RNF111: variants seen among roughly 807,000 people sequenced by gnomAD.
RNF111 encodes the protein ring finger protein 111.
RNF111 carries 17 observed loss-of-function variants against 95.1 expected under a neutral mutation model. The ratio of observed to expected loss-of-function variants is 0.18; its 90% CI spans 0.12 to 0.27. The LOEUF is 0.27. Among genes scored for constraint, RNF111 ranks in the 10% least tolerant of loss-of-function variants. The probability of loss-of-function intolerance (pLI) is 1.00; values close to 1 mark genes in which losing one functional copy is unlikely to be tolerated. For missense variants in RNF111, 1,189 were observed against 1,210.4 expected, an observed-to-expected ratio of 0.98 and a Z score of 0.26; for synonymous variants, 440 against 414.8, an observed-to-expected ratio of 1.06 and a Z score of -0.74.
chr15:59,025,710 C>T (rs950738277), intron 1 of RNF111, among the ~76,000 whole-genome samples: 8 of 151,556 alleles, frequency 5.3e-5, no homozygotes, highest in Non-Finnish European at 1.2e-4. Context: ...AGAAAAATGC[C>T]AAGTCATCTA....
At chr15:59,059,259 A>G (rs1484727799) in intron 5 of RNF111, among the ~76,000 whole-genome samples, 1 of 152,376 alleles carries the variant, frequency 6.6e-6, no homozygotes, top group South Asian at 2.1e-4. Flanking sequence ...CAAGATGCTC[A>G]ACATCACTAA....
rs147436747 is a variant in RNF111, at chr15:59,076,090, C to T, written c.1823C>T (p.Ala608Val). The T allele has an allele frequency of 3.8e-5, 62 of 1,614,116 alleles. No homozygotes were observed. In the East Asian group the frequency reaches 6.2e-4, roughly 16 times the overall value. The change falls in exon 7 of 14, where the codon GCT (alanine) becomes GTT (valine). Residue 608 changes from alanine (A) to valine (V), a missense_variant. By Grantham distance (64) the Ala-to-Val change is moderately conservative. Around this residue, in one of 2 missense-constraint regions of RNF111, gnomAD observed 1,024 missense variants for 925.9 expected, o/e 1.11. Transcript: ENST00000348370. ...RAAIFGHQAAAAAPSQPLSSI... is the reference protein window; with the variant it reads ...RAAIFGHQAAVAAPSQPLSSI... ...GCAATCTTTGGCCATCAGGCCGCTGCTGCTGCCCCAAGTCAACCTTTATCA... is the reference window on the plus strand; with the variant it reads ...GCAATCTTTGGCCATCAGGCCGCTGTTGCTGCCCCAAGTCAACCTTTATCA...
At chr15:59,007,463 C>T (rs1164410549) in intron 1 of RNF111, among the ~76,000 whole-genome samples, 1 of 152,152 alleles carries the variant, frequency 6.6e-6, no homozygotes, top group Non-Finnish European at 1.5e-5. Flanking sequence ...CATAATTTAT[C>T]CATTCACTTG....
intron 2 of RNF111, among the ~76,000 whole-genome samples, chr15:59,033,404 T>C (rs2041014229): frequency 6.6e-6 from 1 of 152,336 alleles, no homozygotes; most frequent in Non-Finnish European, 1.5e-5. Flanking sequence ...ACAAATACTT[T>C]TTTGAGAAGA....
At chr15:59,008,198 C>T (rs895829368) in intron 1 of RNF111, among the ~76,000 whole-genome samples, 30 of 152,102 alleles carry the variant, frequency 2.0e-4, no homozygotes, top group Non-Finnish European at 2.9e-4. Flanking sequence ...TCTGGCTCTC[C>T]AGTTGTTTCA....
chr15:59,067,996 A>G (rs2042740224), intron 6 of RNF111, among the ~76,000 whole-genome samples: 1 of 152,254 alleles, frequency 6.6e-6, no homozygotes, highest in Non-Finnish European at 1.5e-5. Context: ...GTCAACTAGT[A>G]TTAAATTAGT....
intron 5 of RNF111, among the ~76,000 whole-genome samples, chr15:59,061,986 C>T (rs977234933): frequency 2.9e-4 from 44 of 152,056 alleles, no homozygotes; most frequent in African/African-American, 1.1e-3. Flanking sequence ...GTGTTGTCAC[C>T]TATCACTAGT....
At chr15:59,066,267 AT>A (rs1434988109) in intron 5 of RNF111, among the ~76,000 whole-genome samples, 1 of 152,204 alleles carries the variant, frequency 6.6e-6, no homozygotes, top group East Asian at 1.9e-4. Context: ...TTTCAGGAAA[AT>A]CCCAGTGAAG....
chr15:59,026,880 G>T (rs534759601), intron 1 of RNF111, among the ~76,000 whole-genome samples: 3 of 152,212 alleles, frequency 2.0e-5, no homozygotes, highest in African/African-American at 7.2e-5. Context: ...GTTAACTGGT[G>T]TACAAACACA....
intron 2 of RNF111, among the ~76,000 whole-genome samples, chr15:59,033,597 C>G (rs1469894385): frequency 2.6e-5 from 4 of 152,128 alleles, no homozygotes; most frequent in Non-Finnish European, 5.9e-5. Context: ...TGCTCGAAGT[C>G]AGTGAGACAG....
intron 2 of RNF111, among the ~76,000 whole-genome samples, 161 bp downstream of exon 2, chr15:59,031,863 C>T (rs1270107532): frequency 6.6e-6 from 1 of 152,116 alleles, no homozygotes; most frequent in Non-Finnish European, 1.5e-5. Context: ...TAAACCATGA[C>T]TCTAATGCTA....
At chr15:59,058,021 A>G (rs1324159689) in intron 4 of RNF111, among the ~76,000 whole-genome samples, 2 of 152,262 alleles carry the variant, frequency 1.3e-5, no homozygotes, top group African/African-American at 4.8e-5. Flanking sequence ...GTGTACGTGC[A>G]TAGTAAGGAA....
chr15:59,090,142 C>T (rs2079008866), intron 11 of RNF111, among the ~76,000 whole-genome samples: 2 of 152,220 alleles, frequency 1.3e-5, no homozygotes, highest in Non-Finnish European at 2.9e-5. Flanking sequence ...AGCTAAATGT[C>T]TTGTTTGAAT....
chr15:58,997,557 G>A (rs1322846293), intron 1 of RNF111, among the ~76,000 whole-genome samples: 3 of 151,502 alleles, frequency 2.0e-5, no homozygotes, highest in Admixed American at 6.6e-5. Flanking sequence ...GGTGTCTCAC[G>A]CCTGTAATCC....
At chr15:59,053,878 T>TC (rs372377778) in intron 3 of RNF111, among the ~76,000 whole-genome samples, 66,904 of 151,692 alleles carry the variant, frequency 0.44, 16,090 homozygotes, top group African/African-American at 0.64. Context: ...CTTATTGTTA[T>TC]TAAGAGATAT....
Position 59,076,468 on chromosome 15 carries a change from A to AGAG in RNF111, c.1948+254_1948+255insAGG, listed in dbSNP as rs147137462. On this transcript the variant is annotated intron_variant, in intron 7 of 13. Coordinates refer to ENST00000348370, the MANE Select transcript of RNF111 (RefSeq NM_017610.8). ...TGAGTAGTATTTCTAGGCACAGTAA[A>AGAG]GTAAATTTTTAAGAATTCTCAAGCA... Among the ~76,000 whole-genome samples the AGAG allele has an allele frequency of 3.2e-3, 493 of 152,330 alleles. 3 individuals carry two copies. Among genetic ancestry groups the AGAG allele is most frequent in the Admixed American group, 5.4e-3 (83 of 15,294 alleles).
intron 1 of RNF111, among the ~76,000 whole-genome samples, chr15:59,019,016 C>T (rs117851759): frequency 0.013 from 2,012 of 151,970 alleles, 35 homozygotes; most frequent in East Asian, 0.038. Flanking sequence ...CTCTGCCTTC[C>T]GGGCTTGAGT....
chr15:59,061,252 A>G (rs1458007260), intron 5 of RNF111, among the ~76,000 whole-genome samples: 1 of 152,186 alleles, frequency 6.6e-6, no homozygotes, highest in Admixed American at 6.5e-5. Context: ...GCCTCTCTTA[A>G]GGTCAATTTC....
chr15:59,016,942 C>G (rs1478317517), intron 1 of RNF111, among the ~76,000 whole-genome samples: 1 of 151,908 alleles, frequency 6.6e-6, no homozygotes, highest in African/African-American at 2.4e-5. Context: ...AGGTTGCTTG[C>G]TCCTTACGAG....
Sources: allele counts gnomAD v4.1 joint callset (sites outside exome capture counted in the v4.1 genomes callset), GRCh38; gene constraint gnomAD v4.1.1; regional missense constraint gnomAD v4.1.1; transcripts MANE v1.5; gene names NCBI Gene and HGNC (gene_info 2026-07-23, HGNC 2026-07-21).